NETO1: variants seen among roughly 807,000 people sequenced by gnomAD.
The protein encoded by NETO1 is neuropilin and tolloid-like protein 1.
In NETO1, 26 loss-of-function variants were observed where a neutral mutation model predicts 61.3. The ratio of observed to expected loss-of-function variants is 0.42; its 90% CI spans 0.31 to 0.59. The LOEUF (loss-of-function observed/expected upper bound fraction) is 0.59, where lower values mean the gene tolerates loss of function less well. Among genes scored for constraint, NETO1 ranks in the 20% least tolerant of loss-of-function variants. NETO1 has a pLI of 0.12. For synonymous variants in NETO1, 225 were observed against 225.8 expected (o/e 1.00, Z 0.03); for missense variants, 531 against 662.8 (o/e 0.80, Z 2.18).
intron 7 of NETO1, among the ~76,000 whole-genome samples, chr18:72,772,108 G>A: frequency 6.6e-6 from 1 of 152,170 alleles, no homozygotes; most frequent in East Asian, 1.9e-4. Flanking sequence ...CTGGCAACCT[G>A]AGGACATTCT....
intron 7 of NETO1, among the ~76,000 whole-genome samples, chr18:72,777,567 C>G (rs1045848535): frequency 3.6e-5 from 5 of 139,962 alleles, no homozygotes; most frequent in African/African-American, 1.4e-4. Context: ...GTTGAAACCC[C>G]GTCTCCACTA....
At chr18:72,842,162 G>T (rs1368619074) in intron 4 of NETO1, among the ~76,000 whole-genome samples, 1 of 152,086 alleles carries the variant, frequency 6.6e-6, no homozygotes, top group Non-Finnish European at 1.5e-5. Flanking sequence ...GTGCCTGTGG[G>T]GGGAAATGTT....
At chr18:72,866,501 C>T (rs910349495) in intron 1 of NETO1, among the ~76,000 whole-genome samples, 1 of 152,024 alleles carries the variant, frequency 6.6e-6, no homozygotes, top group Non-Finnish European at 1.5e-5. Context: ...CCTTCAGCAT[C>T]AGGATGTGTA....
intron 4 of NETO1, among the ~76,000 whole-genome samples, chr18:72,826,164 T>A (rs1247402524): frequency 6.6e-6 from 1 of 152,184 alleles, no homozygotes; most frequent in African/African-American, 2.4e-5. Context: ...TTAATTAATA[T>A]ATTTTAAGGG....
chr18:72,796,626 G>A lies in NETO1; in HGVS notation c.470-2222C>T, dbSNP rs572177613. Among the ~76,000 whole-genome samples, 68 of 152,054 alleles carry A rather than the reference G, an allele frequency of 4.5e-4. 1 individual carries two copies. The South Asian group carries it at 8.9e-3, about 20-fold the overall frequency. ...CAAGTAGCTGGGACTACAGGCGCCCGCCACTGTGCCCAGCTAATTTTTTGT... is the reference window on the plus strand; with the variant it reads ...CAAGTAGCTGGGACTACAGGCGCCCACCACTGTGCCCAGCTAATTTTTTGT... On this transcript the variant is annotated intron_variant, in intron 4 of 10. Transcript: ENST00000327305.
rs1032957948 is a variant in NETO1 at position 72,835,966 on chromosome 18, A to G, written c.469+22860T>C. Among the ~76,000 whole-genome samples the G allele has an allele frequency of 7.2e-5, 11 of 152,352 alleles. 2 individuals are homozygous for G. In the South Asian group the frequency reaches 2.3e-3, roughly 32 times the overall value. On this transcript the variant is annotated intron_variant, in intron 4 of 10. Coordinates refer to ENST00000327305, the MANE Select transcript of NETO1 (RefSeq NM_138966.5). ...AGAAACATGCATATCTCTTACAGTG[A>G]TAACACTGAGACGGGGCAGCTTCTT...
chr18:72,797,977 A>G lies in NETO1; in HGVS notation c.470-3573T>C, dbSNP rs1599020341. 2.0e-5 allele frequency among the ~76,000 whole-genome samples: 3 copies of G among 152,322 alleles called. No homozygotes were observed. The Middle Eastern group carries it at 0.01, about 518-fold the overall frequency. On this transcript the variant is annotated intron_variant, in intron 4 of 10. Coordinates refer to ENST00000327305, the MANE Select transcript of NETO1 (RefSeq NM_138966.5). ...CTTGACAATCCTCTCTAAAATAGCA[A>G]CGTCCCTAATTTTACCTCCCTCATG...
At chr18:72,782,883 G>A (rs537847943) in intron 7 of NETO1, among the ~76,000 whole-genome samples, 59 of 152,252 alleles carry the variant, frequency 3.9e-4, no homozygotes, top group African/African-American at 1.2e-3. Context: ...CTGTGGTTTT[G>A]ACTTGGATTT....
chr18:72,744,290 T>A lies in NETO1; in HGVS notation c.*3889A>T, dbSNP rs2070386156. On this transcript the variant is annotated 3_prime_UTR_variant, in exon 11 of 11. Coordinates refer to ENST00000327305, the MANE Select transcript of NETO1 (RefSeq NM_138966.5). ...GGTACAATTCAAACAAGTTTATTAATAAAATGAATCATAATTGTAAATTAA... is the reference window on the plus strand; with the variant it reads ...GGTACAATTCAAACAAGTTTATTAAAAAAATGAATCATAATTGTAAATTAA... The A allele has an allele frequency of 6.6e-6, 1 of 152,202 alleles. No homozygotes were observed. Among genetic ancestry groups the A allele is most frequent in the Non-Finnish European group, 1.5e-5 (1 of 68,032 alleles). 9.4% of individuals were successfully genotyped at this position (152,202 alleles called of 1,614,324 possible).
At chr18:72,865,676 C>G in intron 1 of NETO1, 1 of 1,563,910 alleles carries the variant, frequency 6.4e-7, no homozygotes, top group Non-Finnish European at 8.7e-7. Context: ...CATGACTGTT[C>G]CTGACATACT....
intron 7 of NETO1, among the ~76,000 whole-genome samples, chr18:72,775,735 A>C (rs1488382896): frequency 6.6e-6 from 1 of 152,210 alleles, no homozygotes; most frequent in Non-Finnish European, 1.5e-5. Context: ...AAAGATATTC[A>C]CAAGAGAAAT....
intron 4 of NETO1, among the ~76,000 whole-genome samples, chr18:72,798,620 A>G (rs1439220277): frequency 6.6e-6 from 1 of 152,246 alleles, no homozygotes; most frequent in South Asian, 2.1e-4. Flanking sequence ...ATTTACTTCC[A>G]TCAATGCGTC....
At position 72,803,836 on chromosome 18, in the gene NETO1, A is replaced by T. The variant is rs540170886; in HGVS notation, c.470-9432T>A. Reference sequence around the variant, plus strand: ...AACTCCGTACCAAAAAAAAAAAAAAAGATACTCTTTCCTGCTGTTCCAACT... The same window carrying T: ...AACTCCGTACCAAAAAAAAAAAAAATGATACTCTTTCCTGCTGTTCCAACT... On this transcript the variant is annotated intron_variant, in intron 4 of 10. Transcript: ENST00000327305. Among the ~76,000 whole-genome samples, 151 of 151,932 alleles carry T rather than the reference A, an allele frequency of 9.9e-4. 1 individual carries two copies. Among genetic ancestry groups the T allele is most frequent in the Middle Eastern group, 6.8e-3 (2 of 292 alleles).
intron 4 of NETO1, among the ~76,000 whole-genome samples, chr18:72,831,376 C>T (rs574503843): frequency 1.3e-5 from 2 of 152,294 alleles, no homozygotes; most frequent in South Asian, 4.1e-4. Context: ...TGGGTTAACT[C>T]CACTTCCATA....
intron 7 of NETO1, among the ~76,000 whole-genome samples, chr18:72,775,748 T>C (rs2071525473): frequency 6.6e-6 from 1 of 152,190 alleles, no homozygotes; most frequent in South Asian, 2.1e-4. Flanking sequence ...AGAGAAATCA[T>C]GGATTAGGAG....
intron 4 of NETO1, among the ~76,000 whole-genome samples, chr18:72,840,178 G>T (rs2073885581): frequency 6.6e-6 from 1 of 152,190 alleles, no homozygotes. Context: ...GTAAGGATTG[G>T]TTGACAGGGA....
rs1013212946 is a variant in NETO1, at chr18:72,842,667, A to G, written c.469+16159T>C. Among the ~76,000 whole-genome samples, 9 of 152,348 alleles carry G rather than the reference A, an allele frequency of 5.9e-5. No individual in the cohort carries two copies. In the East Asian group the frequency reaches 1.7e-3, roughly 29 times the overall value. On this transcript the variant is annotated intron_variant, in intron 4 of 10. Coordinates refer to ENST00000327305, the MANE Select transcript of NETO1 (RefSeq NM_138966.5). ...TCTTTGAGAAGTTAAGCCTGAAGCC[A>G]ATAGGCATTTACTTGTTGACAATGG...
At chr18:72,767,706 C>A (rs1019365771) in intron 7 of NETO1, among the ~76,000 whole-genome samples, 3 of 151,304 alleles carry the variant, frequency 2.0e-5, no homozygotes, top group African/African-American at 7.3e-5. Flanking sequence ...CAAACTCAAT[C>A]AAAAGCTTTA....
In NETO1 at chr18:72,865,176, A is replaced by G; in HGVS notation, c.82+12T>C. 6.2e-7 allele frequency: 1 copy of G among 1,610,166 alleles called. No homozygotes were observed. Among genetic ancestry groups the G allele is most frequent in the Non-Finnish European group, 8.5e-7 (1 of 1,177,980 alleles). The stretch of plus-strand genomic sequence containing the variant: ...CGAGGTCTTCCACTAGCATTTTTCT[A>G]AGTAAACACACCTGTTCCTTTCTTG... On this transcript the variant is annotated intron_variant, in intron 2 of 10. Coordinates refer to ENST00000327305, the MANE Select transcript of NETO1 (RefSeq NM_138966.5).
Sources: allele counts gnomAD v4.1 joint callset (sites outside exome capture counted in the v4.1 genomes callset), GRCh38; gene constraint gnomAD v4.1.1; transcripts MANE v1.5; gene names NCBI Gene and HGNC (gene_info 2026-07-23, HGNC 2026-07-21).